Variants in PLCL2 observed in about 807,000 individuals in gnomAD.
PLCL2 encodes the protein phospholipase C like 2, also known as inactive phospholipase C-like protein 2.
In PLCL2, 4 loss-of-function variants were observed where a neutral mutation model predicts 79.6. The observed-to-expected ratio is 0.05, with a 90% CI of 0.02 to 0.11. The LOEUF is 0.11. Ranked by LOEUF, PLCL2 falls within the 10% of genes least tolerant of loss-of-function variation. PLCL2 has a pLI of 1.00. For missense variants in PLCL2, 895 were observed against 1,291.0 expected (o/e 0.69, Z 4.70); for synonymous variants, 484 against 457.7 (o/e 1.06, Z -0.73).
intron 4 of PLCL2, 47 bp downstream of exon 4, chr3:17,042,996 A>G: frequency 8.1e-7 from 1 of 1,238,570 alleles, no homozygotes; most frequent in Non-Finnish European, 1.2e-6. Context: ...TAATAGCATC[A>G]TATACTTTGC....
intron 3 of PLCL2, chr3:17,035,802 CAAT>C (rs1559527222): frequency 3.9e-6 from 2 of 512,148 alleles, no homozygotes; most frequent in Non-Finnish European, 7.8e-6. Flanking sequence ...GAAAGCTTAA[CAAT>C]ATTTTACATG....
At chr3:16,921,932 T>G (rs1449317487) in intron 1 of PLCL2, among the ~76,000 whole-genome samples, 1 of 152,082 alleles carries the variant, frequency 6.6e-6, no homozygotes, top group Admixed American at 6.6e-5. Context: ...AATTAAAGAT[T>G]CTTTGATTTT....
chr3:17,075,455 G>T (rs2065099960), intron 5 of PLCL2, among the ~76,000 whole-genome samples: 1 of 151,288 alleles, frequency 6.6e-6, no homozygotes, highest in Non-Finnish European at 1.5e-5. Context: ...TTACCAAAGA[G>T]TGACACAGAA....
chr3:17,030,234 A>G, intron 3 of PLCL2, among the ~76,000 whole-genome samples: 1 of 152,180 alleles, frequency 6.6e-6, no homozygotes, highest in African/African-American at 2.4e-5. Flanking sequence ...GCCCAAACCT[A>G]TTTTTTAAAC....
rs552791826 is a variant in PLCL2 at position 17,034,321 on chromosome 3, A to AT, written c.3019-8552dup. On this transcript the variant is annotated intron_variant, in intron 3 of 5. Transcript: ENST00000615277. ...CCCCCTTTTACCCTGACCTGCTGGG[A>AT]TAGGCTCTGGCCACCTTTGATAAGT... Among the ~76,000 whole-genome samples the AT allele has an allele frequency of 3.9e-5, 6 of 152,300 alleles. No homozygotes were observed. In the East Asian group the frequency reaches 9.6e-4, roughly 24 times the overall value.
intron 4 of PLCL2, among the ~76,000 whole-genome samples, chr3:17,048,460 A>G (rs1382451741): frequency 6.6e-6 from 1 of 152,198 alleles, no homozygotes; most frequent in Admixed American, 6.6e-5. Context: ...GTACTAGTCT[A>G]TTTTATCATT....
intron 1 of PLCL2, among the ~76,000 whole-genome samples, chr3:16,913,486 T>C (rs933442541): frequency 6.6e-6 from 1 of 152,010 alleles, no homozygotes; most frequent in Non-Finnish European, 1.5e-5. Context: ...GCTGGGATTC[T>C]GTTATGATTA....
At chr3:16,920,942 A>G (rs1269920137) in intron 1 of PLCL2, among the ~76,000 whole-genome samples, 3 of 152,174 alleles carry the variant, frequency 2.0e-5, no homozygotes, top group Admixed American at 2.0e-4. Flanking sequence ...TGGCCATTAA[A>G]ATTATTTCTC....
chr3:16,910,014 C>T (rs1160248866), intron 1 of PLCL2, among the ~76,000 whole-genome samples: 1 of 152,152 alleles, frequency 6.6e-6, no homozygotes, highest in Non-Finnish European at 1.5e-5. Context: ...TCTCTCCATC[C>T]ACACAAAAGA....
chr3:16,998,947 A>G (rs1396285880), intron 1 of PLCL2, among the ~76,000 whole-genome samples: 1 of 152,208 alleles, frequency 6.6e-6, no homozygotes, highest in Non-Finnish European at 1.5e-5. Flanking sequence ...CCACATTGCA[A>G]ATAACAGGAG....
intron 1 of PLCL2, among the ~76,000 whole-genome samples, chr3:16,964,052 T>G (rs1023584561): frequency 6.6e-6 from 1 of 152,176 alleles, no homozygotes; most frequent in Non-Finnish European, 1.5e-5. Context: ...CTTTAAGTTC[T>G]AGGGTACATG....
At chr3:16,928,971 G>A (rs1224665532) in intron 1 of PLCL2, among the ~76,000 whole-genome samples, 1 of 40 alleles carries the variant, frequency 0.025, no homozygotes, top group Non-Finnish European at 0.071. Flanking sequence ...GAGGCTGTGA[G>A]TTTAGAATTT....
intron 3 of PLCL2, among the ~76,000 whole-genome samples, chr3:17,026,333 G>A (rs1325800842): frequency 2.0e-5 from 3 of 152,148 alleles, no homozygotes; most frequent in African/African-American, 7.2e-5. Flanking sequence ...ATGTTAAGGA[G>A]TTTAAAACAT....
chr3:16,895,741 A>G (rs112751691), intron 1 of PLCL2, among the ~76,000 whole-genome samples: 3,302 of 152,322 alleles, frequency 0.022, 43 homozygotes, highest in Non-Finnish European at 0.033. Context: ...AGCGTATCAT[A>G]CAGTGGAATC....
chr3:16,969,218 C>A (rs531638960), intron 1 of PLCL2, among the ~76,000 whole-genome samples: 1 of 151,946 alleles, frequency 6.6e-6, no homozygotes. Context: ...TTTGTTGTGT[C>A]TCTTCCAGGT....
chr3:16,962,636 T>G (rs1298361489), intron 1 of PLCL2, among the ~76,000 whole-genome samples: 3 of 152,172 alleles, frequency 2.0e-5, no homozygotes, highest in Non-Finnish European at 4.4e-5. Context: ...ATTGTTAAAA[T>G]TTTATATGAT....
At chr3:16,932,240 T>A (rs1697420401) in intron 1 of PLCL2, among the ~76,000 whole-genome samples, 1 of 152,232 alleles carries the variant, frequency 6.6e-6, no homozygotes, top group South Asian at 2.1e-4. Context: ...TTCTGCTATG[T>A]GGTTTAGGTA....
intron 1 of PLCL2, among the ~76,000 whole-genome samples, chr3:16,930,641 C>A (rs987387233): frequency 6.6e-6 from 1 of 152,044 alleles, no homozygotes; most frequent in Non-Finnish European, 1.5e-5. Flanking sequence ...GAGTAGTAAA[C>A]AAGTGATACT....
At chr3:16,934,532 T>A (rs1697492495) in intron 1 of PLCL2, among the ~76,000 whole-genome samples, 1 of 151,994 alleles carries the variant, frequency 6.6e-6, no homozygotes. Flanking sequence ...TCACCGTAGC[T>A]CTCCATAAGT....
Sources: allele counts gnomAD v4.1 joint callset (sites outside exome capture counted in the v4.1 genomes callset), GRCh38; gene constraint gnomAD v4.1.1; transcripts MANE v1.5; gene names NCBI Gene and HGNC (gene_info 2026-07-23, HGNC 2026-07-21).